Variants in COPG1 observed in about 807,000 individuals in gnomAD.
COPG1 encodes the protein coat protein complex I subunit gamma 1.
In COPG1, 29 loss-of-function variants were observed where a neutral mutation model predicts 102.8. That is an observed-to-expected ratio of 0.28 (90% CI 0.21 to 0.38). COPG1 has a LOEUF of 0.38. Ranked by LOEUF, COPG1 falls within the 10% of genes least tolerant of loss-of-function variation. COPG1 has a pLI of 1.00. For missense variants in COPG1, 875 were observed against 1,132.7 expected (o/e 0.77, Z 3.27); for synonymous variants, 406 against 421.6 (o/e 0.96, Z 0.45).
In COPG1 at chr3:129,260,610, C is replaced by T. The variant is rs1397790399; in HGVS notation, c.940-9C>T. The T allele has an allele frequency of 6.2e-7, 1 of 1,613,552 alleles. No homozygotes were observed. The highest frequency in any genetic ancestry group is 8.5e-7 in the Non-Finnish European group (1 of 1,179,774). On this transcript the variant is annotated splice_polypyrimidine_tract_variant and intron_variant, in intron 11 of 23. Transcript: ENST00000314797. ...TCCTGCCCTCTCTGTCACTGTCCTC[C>T]CAAAACAGGTTGCCATGAAGCATCC...
Position 129,265,683 on chromosome 3 carries a change from C to A in COPG1, c.1359C>A (p.Thr453=). ...IEDCEFTVLA[T]RILHLLGQEG... ...ACTGCGAGTTCACAGTGCTGGCCAC[C>A]CGTATTCTACATCTCCTGGGCCAGG... The change falls in exon 14 of 24, where the codon ACC becomes ACA. Residue 453 remains threonine (T), a synonymous_variant. Transcript: ENST00000314797. 6.2e-7 allele frequency: 1 copy of A among 1,614,176 alleles called. No homozygotes were observed. Among genetic ancestry groups the A allele is most frequent in the Non-Finnish European group, 8.5e-7 (1 of 1,180,040 alleles).
intron 21 of COPG1, among the ~76,000 whole-genome samples, chr3:129,273,892 G>A (rs1299946432): frequency 1.3e-5 from 2 of 152,092 alleles, no homozygotes; most frequent in African/African-American, 2.4e-5. Flanking sequence ...ATCTTAGCTC[G>A]GTGGAACTAA....
intron 18 of COPG1, 139 bp downstream of exon 18, chr3:129,269,139 C>T: frequency 2.8e-6 from 2 of 716,246 alleles, no homozygotes; most frequent in South Asian, 3.3e-5. Flanking sequence ...ACATTTGACC[C>T]TCAGGTGGTG....
At chr3:129,251,309 A>G (rs1458007725) in intron 2 of COPG1, among the ~76,000 whole-genome samples, 1 of 151,124 alleles carries the variant, frequency 6.6e-6, no homozygotes, top group Non-Finnish European at 1.5e-5. Context: ...CCTAAGCTAG[A>G]CTGTGGCCAT....
At chr3:129,277,182 C>T in intron 23 of COPG1, 112 bp from the exon 24 acceptor site, 1 of 1,084,508 alleles carries the variant, frequency 9.2e-7, no homozygotes, top group Non-Finnish European at 1.4e-6. Context: ...AGCTCTCCTG[C>T]CCGTTTCACT....
At chr3:129,261,569 A>G (rs1362247591) in intron 12 of COPG1, among the ~76,000 whole-genome samples, 1 of 152,200 alleles carries the variant, frequency 6.6e-6, no homozygotes, top group Non-Finnish European at 1.5e-5. Context: ...GAAATAATTC[A>G]TAGGAAGTTA....
chr3:129,249,792 G>A (rs902174049), intron 1 of COPG1, 46 bp downstream of exon 1: 1 of 1,537,082 alleles, frequency 6.5e-7, no homozygotes. Context: ...ACCCCCACCC[G>A]CCGAGCTTTC....
chr3:129,258,602 C>T (rs954657010), intron 10 of COPG1, among the ~76,000 whole-genome samples: 12 of 152,150 alleles, frequency 7.9e-5, no homozygotes, highest in South Asian at 2.1e-4. Context: ...GGACTACAGG[C>T]GCCCACCACC....
intron 7 of COPG1, 61 bp from the exon 8 acceptor site, chr3:129,256,007 G>A: frequency 6.9e-7 from 1 of 1,458,022 alleles, no homozygotes; most frequent in Non-Finnish European, 9.6e-7. Flanking sequence ...CCAGAACTGG[G>A]CCCAGAATGT....
rs375669259 is a variant in COPG1 at position 129,276,218 on chromosome 3, G to A, written c.2494+926G>A. ...ACAATGATATCTTAGTGTAGTTTTT[G>A]TATTTTCAATGAAGTTAAGTATCTT... On this transcript the variant is annotated intron_variant, in intron 23 of 23. Coordinates refer to ENST00000314797, the MANE Select transcript of COPG1 (RefSeq NM_016128.4). Among the ~76,000 whole-genome samples, 23 of 152,226 alleles carry A rather than the reference G, an allele frequency of 1.5e-4. No individual in the cohort carries two copies. In the East Asian group the frequency reaches 3.3e-3, roughly 22 times the overall value.
At chr3:129,263,882 C>T (rs577677046) in intron 12 of COPG1, 22 bp from the exon 13 acceptor site, 4 of 1,607,458 alleles carry the variant, frequency 2.5e-6, no homozygotes, top group East Asian at 2.2e-5. Context: ...GCCTGCTGCT[C>T]ATGCACGTCT....
chr3:129,256,115 G>A lies in COPG1; in HGVS notation c.540G>A (p.Glu180=). Residue 180 remains glutamate, a synonymous_variant, in exon 8 of 24, where the codon GAG becomes GAA. Coordinates refer to ENST00000314797, the MANE Select transcript of COPG1 (RefSeq NM_016128.4). ...ACGTGGTCAAGCGCTGGGTGAATGA[G>A]GCTCAGGAGGCAGCATCCAGTGATA... is the stretch of plus-strand genomic sequence containing the variant. ...SFDVVKRWVN[E]AQEAASSDNI... The A allele has an allele frequency of 6.2e-7, 1 of 1,614,038 alleles. No homozygotes were observed. The highest frequency in any genetic ancestry group is 8.5e-7 in the Non-Finnish European group (1 of 1,179,938).
chr3:129,261,214 C>T (rs939776623), intron 12 of COPG1, among the ~76,000 whole-genome samples: 3 of 152,234 alleles, frequency 2.0e-5, no homozygotes, highest in South Asian at 2.1e-4. Flanking sequence ...AAGGAGTAGA[C>T]GAGATCATCT....
At chr3:129,267,873 T>C in intron 15 of COPG1, 64 bp from the exon 16 acceptor site, 1 of 1,289,284 alleles carries the variant, frequency 7.8e-7, no homozygotes, top group Non-Finnish European at 1.1e-6. Context: ...AATGAAGCCA[T>C]GCAGGATCCC....
intron 5 of COPG1, 58 bp downstream of exon 5, chr3:129,253,013 T>G (rs2107672657): frequency 1.4e-6 from 2 of 1,455,058 alleles, no homozygotes; most frequent in East Asian, 4.5e-5. Flanking sequence ...GACCATTTTT[T>G]TCTTGTGTGT....
At chr3:129,276,968 C>T (rs1311543841) in intron 23 of COPG1, among the ~76,000 whole-genome samples, 1 of 151,886 alleles carries the variant, frequency 6.6e-6, no homozygotes, top group African/African-American at 2.4e-5. Flanking sequence ...GGATTACAGG[C>T]GTCCACCACC....
At chr3:129,249,772 G>C in intron 1 of COPG1, 26 bp downstream of exon 1, 1 of 1,546,956 alleles carries the variant, frequency 6.5e-7, no homozygotes, top group Non-Finnish European at 8.7e-7. Context: ...CTGGGTCTGA[G>C]GGAGGCCGGA....
chr3:129,268,124 G>C, intron 16 of COPG1, 84 bp downstream of exon 16: 1 of 1,226,278 alleles, frequency 8.2e-7, no homozygotes, highest in Non-Finnish European at 1.2e-6. Context: ...GAAATCAGAG[G>C]CAAGATGCTC....
intron 18 of COPG1, 138 bp downstream of exon 18, chr3:129,269,138 C>T: frequency 1.4e-6 from 1 of 719,002 alleles, no homozygotes; most frequent in Non-Finnish European, 2.4e-6. Flanking sequence ...CACATTTGAC[C>T]CTCAGGTGGT....
Sources: allele counts gnomAD v4.1 joint callset (sites outside exome capture counted in the v4.1 genomes callset), GRCh38; gene constraint gnomAD v4.1.1; transcripts MANE v1.5; gene names NCBI Gene and HGNC (gene_info 2026-07-23, HGNC 2026-07-21).